RNF216: variants seen among roughly 807,000 people sequenced by gnomAD.
The protein encoded by RNF216 is E3 ubiquitin-protein ligase RNF216.
In RNF216, 72 loss-of-function variants were observed where a neutral mutation model predicts 110.8. The observed-to-expected ratio is 0.65, with a 90% confidence interval of 0.54 to 0.79. RNF216 has a LOEUF of 0.79. Among genes scored for constraint, RNF216 ranks in the 30% least tolerant of loss-of-function variants. The pLI is 0.00. For missense variants in RNF216, 1,342 were observed against 1,141.2 expected (o/e 1.18, Z -2.54); for synonymous variants, 495 against 407.5 (o/e 1.21, Z -2.59).
At chr7:5,719,482 G>C (rs1324446800) in intron 9 of RNF216, among the ~76,000 whole-genome samples, 2 of 152,210 alleles carry the variant, frequency 1.3e-5, no homozygotes, top group African/African-American at 4.8e-5. Flanking sequence ...CAAAAGCAAA[G>C]ATGTTGTCAG....
At chr7:5,663,866 C>T (rs1004060485) in intron 13 of RNF216, among the ~76,000 whole-genome samples, 33 of 152,106 alleles carry the variant, frequency 2.2e-4, no homozygotes, top group African/African-American at 7.7e-4. Context: ...CCACTGTACT[C>T]CAGCCTGGGC....
chr7:5,707,516 GT>G (rs900614998), intron 13 of RNF216, among the ~76,000 whole-genome samples: 4 of 151,992 alleles, frequency 2.6e-5, no homozygotes, highest in South Asian at 2.1e-4. Flanking sequence ...ATTCTAACAA[GT>G]TTTTTTGTGG....
chr7:5,775,258 G>A (rs1796710906), intron 1 of RNF216: 1 of 152,106 alleles, frequency 6.6e-6, no homozygotes, highest in Non-Finnish European at 1.5e-5. Flanking sequence ...AAGGAAGTCA[G>A]GAAGAAAAGA....
chr7:5,659,317 T>C (rs1788950532), intron 13 of RNF216, among the ~76,000 whole-genome samples: 1 of 152,168 alleles, frequency 6.6e-6, no homozygotes, highest in East Asian at 1.9e-4. Flanking sequence ...AAAACACAGA[T>C]ATTAACTGAC....
intron 13 of RNF216, among the ~76,000 whole-genome samples, chr7:5,702,057 A>G (rs1337069665): frequency 1.3e-5 from 2 of 152,174 alleles, no homozygotes; most frequent in East Asian, 1.9e-4. Flanking sequence ...GCGACATCTG[A>G]GGCCCCAGGT....
intron 13 of RNF216, among the ~76,000 whole-genome samples, chr7:5,678,805 C>A (rs1790471048): frequency 6.6e-6 from 1 of 152,232 alleles, no homozygotes; most frequent in Non-Finnish European, 1.5e-5. Flanking sequence ...GATTTCTCGA[C>A]TCCACTTCAT....
At chr7:5,744,054 A>C (rs1794907865) in intron 3 of RNF216, among the ~76,000 whole-genome samples, 1 of 152,248 alleles carries the variant, frequency 6.6e-6, no homozygotes, top group South Asian at 2.1e-4. Flanking sequence ...AAGAGAAGTA[A>C]CAGACAACAG....
At chr7:5,776,899 C>CA (rs754872404) in intron 1 of RNF216, among the ~76,000 whole-genome samples, 34,448 of 83,382 alleles carry the variant, frequency 0.41, 7,590 homozygotes, top group Non-Finnish European at 0.47. Context: ...AGACTCTGTC[C>CA]AAAAAAAAAA....
intron 13 of RNF216, among the ~76,000 whole-genome samples, chr7:5,669,975 G>A (rs1789796617): frequency 6.6e-6 from 1 of 151,280 alleles, no homozygotes; most frequent in Non-Finnish European, 1.5e-5. Context: ...CACCCATGCT[G>A]GAGTGCAGTG....
chr7:5,674,655 G>C (rs1790151199), intron 13 of RNF216, among the ~76,000 whole-genome samples: 1 of 150,722 alleles, frequency 6.6e-6, no homozygotes, highest in African/African-American at 2.4e-5. Context: ...AATGAAAAAA[G>C]TCAGCTGGGA....
chr7:5,759,935 G>T (rs1355020868), intron 2 of RNF216, among the ~76,000 whole-genome samples: 1 of 151,782 alleles, frequency 6.6e-6, no homozygotes, highest in Non-Finnish European at 1.5e-5. Context: ...CTGGCCTGGG[G>T]GAGTCATTTT....
At chr7:5,721,431 A>G (rs546373361) in intron 8 of RNF216, among the ~76,000 whole-genome samples, 1 of 152,340 alleles carries the variant, frequency 6.6e-6, no homozygotes, top group South Asian at 2.1e-4. Flanking sequence ...TCACTAGTGT[A>G]CTATGTGAAT....
At position 5,709,636 on chromosome 7, in the gene RNF216, A is replaced by T. The variant is rs553138703; in HGVS notation, c.2061+2125T>A. The stretch of plus-strand genomic sequence containing the variant: ...ATATTCCTCCCATAGACAAACAAAA[A>T]CATATGTGGTGTTCCTATTTGGGAT... On this transcript the variant is annotated intron_variant, in intron 13 of 16. Coordinates refer to ENST00000389902, the MANE Select transcript of RNF216 (RefSeq NM_207111.4). Among the ~76,000 whole-genome samples the T allele has an allele frequency of 5.4e-4, 82 of 152,284 alleles. No homozygotes were observed. The Middle Eastern group carries it at 0.01, about 19-fold the overall frequency.
chr7:5,780,774 G>A (rs537494158), intron 1 of RNF216, among the ~76,000 whole-genome samples: 2 of 152,246 alleles, frequency 1.3e-5, no homozygotes, highest in Non-Finnish European at 2.9e-5. Context: ...AAGTACCTAG[G>A]ACAGCTGCTA....
chr7:5,747,356 G>C (rs764748077), intron 3 of RNF216, among the ~76,000 whole-genome samples: 1 of 152,172 alleles, frequency 6.6e-6, no homozygotes, highest in Admixed American at 6.5e-5. Flanking sequence ...GGGAAGGAGA[G>C]GGAGTAAAAA....
chr7:5,766,448 A>C (rs1054873909), intron 1 of RNF216, among the ~76,000 whole-genome samples: 1 of 151,850 alleles, frequency 6.6e-6, no homozygotes, highest in Non-Finnish European at 1.5e-5. Flanking sequence ...GATTAGAATT[A>C]GATGAAGTCA....
intron 13 of RNF216, among the ~76,000 whole-genome samples, chr7:5,679,228 C>T (rs1223164406): frequency 2.0e-5 from 3 of 152,170 alleles, no homozygotes; most frequent in African/African-American, 7.2e-5. Flanking sequence ...GCGGTGCACA[C>T]AGCTAACAAG....
In RNF216 at chr7:5,622,885, C is replaced by T. The variant is rs547471074; in HGVS notation, c.2747G>A (p.Gly916Asp). 4 of 1,605,798 alleles carry T rather than the reference C, an allele frequency of 2.5e-6. No individual in the cohort carries two copies. Among genetic ancestry groups the T allele is most frequent in the South Asian group, 1.1e-5 (1 of 90,810 alleles). Reference sequence around the variant, plus strand: ...TCAGAAGCGATGCCGCGGCTGGGGGCCAAAGTGCATGGGCAGGTTGTGCTC... The same window carrying T: ...TCAGAAGCGATGCCGCGGCTGGGGGTCAAAGTGCATGGGCAGGTTGTGCTC... Reference protein sequence around the residue: ...PLEHNLPMHFGPQPRHRF With the variant: ...PLEHNLPMHFDPQPRHRF The change falls in exon 17 of 17, where the codon GGC becomes GAC. Residue 916 changes from glycine to aspartate, a missense_variant. Transcript: ENST00000389902.
intron 1 of RNF216, among the ~76,000 whole-genome samples, chr7:5,765,580 C>G (rs892277446): frequency 2.2e-4 from 33 of 151,450 alleles, no homozygotes; most frequent in African/African-American, 8.0e-4. Context: ...CAGTGTGCCA[C>G]CATCATGCCA....
Sources: allele counts gnomAD v4.1 joint callset (sites outside exome capture counted in the v4.1 genomes callset), GRCh38; gene constraint gnomAD v4.1.1; transcripts MANE v1.5; gene names NCBI Gene and HGNC (gene_info 2026-07-23, HGNC 2026-07-21).